The following DLGAP1 variants were observed in gnomAD, a reference collection of about 807,000 sequenced individuals.
DLGAP1 encodes the protein DLG associated protein 1.
A neutral mutation model predicts 90.8 loss-of-function variants in DLGAP1; 11 were observed. That is an observed-to-expected ratio of 0.12 (90% confidence interval 0.08 to 0.20). The LOEUF (loss-of-function observed/expected upper bound fraction) is 0.20, where lower values mean the gene tolerates loss of function less well. Among genes scored for constraint, DLGAP1 ranks in the 10% least tolerant of loss-of-function variants. The pLI is 1.00. For synonymous variants in DLGAP1, 558 were observed against 540.7 expected (o/e 1.03, Z -0.44); for missense variants, 1,050 against 1,333.8 (o/e 0.79, Z 3.31).
intron 2 of DLGAP1, among the ~76,000 whole-genome samples, chr18:4,039,682 A>G (rs2074946949): frequency 6.6e-6 from 1 of 152,208 alleles, no homozygotes; most frequent in Non-Finnish European, 1.5e-5. Context: ...TTTTTAGAGT[A>G]TGACTCTTCA....
chr18:3,592,861 A>T (rs1370502050), intron 7 of DLGAP1, among the ~76,000 whole-genome samples: 1 of 128,264 alleles, frequency 7.8e-6, no homozygotes, highest in South Asian at 2.6e-4. Context: ...AAAAAAAAAA[A>T]AAAAAAGAAA....
At chr18:3,919,303 C>T (rs546150461) in intron 3 of DLGAP1, among the ~76,000 whole-genome samples, 1 of 152,320 alleles carries the variant, frequency 6.6e-6, no homozygotes, top group South Asian at 2.1e-4. Flanking sequence ...CATCTACTGA[C>T]ATTTCAAAAT....
At chr18:3,600,925 T>TATAG (rs2056950767) in intron 7 of DLGAP1, among the ~76,000 whole-genome samples, 1 of 87,356 alleles carries the variant, frequency 1.1e-5, no homozygotes, top group Non-Finnish European at 2.7e-5. Context: ...GATATAGATA[T>TATAG]ATATAGATAT....
At chr18:3,640,558 G>A (rs1447832117) in intron 7 of DLGAP1, among the ~76,000 whole-genome samples, 4 of 152,204 alleles carry the variant, frequency 2.6e-5, no homozygotes, top group Non-Finnish European at 4.4e-5. Flanking sequence ...GGCAGGTCAG[G>A]CCCCAGGGGT....
intron 3 of DLGAP1, among the ~76,000 whole-genome samples, chr18:4,001,153 C>T (rs72868262): frequency 4.9e-4 from 74 of 151,536 alleles, no homozygotes; most frequent in South Asian, 8.3e-4. Context: ...GAACTTTCTG[C>T]AGTGTTCATT....
In DLGAP1 at chr18:4,222,512, A is replaced by G. The variant is rs188813787; in HGVS notation, c.-266-71225T>C. On this transcript the variant is annotated intron_variant, in intron 1 of 12. Coordinates refer to ENST00000315677, the MANE Select transcript of DLGAP1 (RefSeq NM_004746.4). The stretch of plus-strand genomic sequence containing the variant: ...CAGTTTGCTTTTCAGGTGATTCACT[A>G]TAGTTAGACAACTAATTCTTCAGCA... Among the ~76,000 whole-genome samples, 265 of 152,296 alleles carry G rather than the reference A, an allele frequency of 1.7e-3. 1 individual carries two copies. Among genetic ancestry groups the G allele is most frequent in the African/African-American group, 6.1e-3 (255 of 41,566 alleles).
chr18:4,279,085 T>C (rs1007646045), intron 1 of DLGAP1, among the ~76,000 whole-genome samples: 3 of 152,338 alleles, frequency 2.0e-5, no homozygotes, highest in Non-Finnish European at 2.9e-5. Flanking sequence ...AATGGTTACA[T>C]GGGCAATAGT....
chr18:4,109,883 T>C (rs1454179928), intron 2 of DLGAP1, among the ~76,000 whole-genome samples: 1 of 152,146 alleles, frequency 6.6e-6, no homozygotes, highest in Non-Finnish European at 1.5e-5. Context: ...GTTTTTTTGT[T>C]TGTTTGTTTA....
intron 3 of DLGAP1, among the ~76,000 whole-genome samples, chr18:3,913,525 G>A (rs999271926): frequency 5.9e-5 from 9 of 152,002 alleles, no homozygotes; most frequent in African/African-American, 2.2e-4. Context: ...TCCTTAAGAA[G>A]CATATATTTA....
intron 6 of DLGAP1, among the ~76,000 whole-genome samples, chr18:3,737,558 T>G (rs1393392162): frequency 6.6e-6 from 1 of 151,388 alleles, no homozygotes; most frequent in Non-Finnish European, 1.5e-5. Flanking sequence ...AAAAGGCCTT[T>G]GACAAAATTC....
intron 3 of DLGAP1, among the ~76,000 whole-genome samples, chr18:3,903,264 C>T (rs574089781): frequency 6.6e-6 from 1 of 152,096 alleles, no homozygotes; most frequent in Non-Finnish European, 1.5e-5. Flanking sequence ...AACAGCAAAC[C>T]CAGTAGAAAG....
At chr18:4,253,503 T>C (rs777355739) in intron 1 of DLGAP1, among the ~76,000 whole-genome samples, 1 of 152,144 alleles carries the variant, frequency 6.6e-6, no homozygotes. Flanking sequence ...CTTCACTTCC[T>C]AGGTTCAAAT....
At chr18:3,712,019 A>G (rs2061611542) in intron 7 of DLGAP1, among the ~76,000 whole-genome samples, 1 of 152,052 alleles carries the variant, frequency 6.6e-6, no homozygotes. Context: ...TATTTTTGTG[A>G]CGATCACACT....
chr18:3,730,278 A>G (rs1206052612), intron 6 of DLGAP1, among the ~76,000 whole-genome samples: 1 of 110,720 alleles, frequency 9.0e-6, no homozygotes, highest in Non-Finnish European at 1.8e-5. Context: ...ACAACAAAAA[A>G]CCTGATAAGA....
chr18:4,078,783 A>G (rs1055815572), intron 2 of DLGAP1, among the ~76,000 whole-genome samples: 8 of 152,168 alleles, frequency 5.3e-5, no homozygotes, highest in African/African-American at 1.7e-4. Context: ...ATGAATGGAT[A>G]TATCAATGAG....
chr18:3,810,913 C>T (rs1174453134), intron 5 of DLGAP1, among the ~76,000 whole-genome samples: 1 of 152,042 alleles, frequency 6.6e-6, no homozygotes, highest in Non-Finnish European at 1.5e-5. Context: ...TCAAATGATC[C>T]TCCCACCTCA....
At chr18:3,908,902 A>C (rs1383419039) in intron 3 of DLGAP1, among the ~76,000 whole-genome samples, 1 of 152,216 alleles carries the variant, frequency 6.6e-6, no homozygotes, top group Non-Finnish European at 1.5e-5. Flanking sequence ...TAAAATGCTT[A>C]CAGCACAGTA....
chr18:3,841,014 C>A (rs1211200302), intron 4 of DLGAP1, among the ~76,000 whole-genome samples: 1 of 152,188 alleles, frequency 6.6e-6, no homozygotes, highest in Non-Finnish European at 1.5e-5. Flanking sequence ...CATGTCTCTT[C>A]TCTAGCTGTA....
intron 6 of DLGAP1, among the ~76,000 whole-genome samples, chr18:3,741,023 C>CCATCACCT (rs1568047671): frequency 4.1e-5 from 5 of 121,688 alleles, no homozygotes; most frequent in South Asian, 2.9e-4. Context: ...ACCATCACCA[C>CCATCACCT]CACCACCACC....
Sources: gnomAD v4.1 joint callset for allele counts (sites outside exome capture counted in the v4.1 genomes callset) on GRCh38, gnomAD v4.1.1 for gene constraint, MANE v1.5 for transcripts, NCBI Gene and HGNC (gene_info 2026-07-23, HGNC 2026-07-21) for gene names.